Variants in ABCD3 observed in about 807,000 individuals in gnomAD.
ABCD3 encodes the protein ATP binding cassette subfamily D member 3, also known as ATP-binding cassette sub-family D member 3.
Under a neutral mutation model 105.5 loss-of-function variants are expected in ABCD3, and 41 were observed. The ratio of observed to expected loss-of-function variants is 0.39; its 90% CI spans 0.30 to 0.50. The LOEUF (loss-of-function observed/expected upper bound fraction) is 0.50, where lower values mean the gene tolerates loss of function less well. Among genes scored for constraint, ABCD3 ranks in the 20% least tolerant of loss-of-function variants. ABCD3 has a pLI of 0.84. For missense variants in ABCD3, 622 were observed against 806.3 expected (o/e 0.77, Z 2.77); for synonymous variants, 258 against 269.0 (o/e 0.96, Z 0.40).
chr1:94,489,512 C>T (rs1649425665), intron 13 of ABCD3, among the ~76,000 whole-genome samples: 1 of 151,964 alleles, frequency 6.6e-6, no homozygotes, highest in Non-Finnish European at 1.5e-5. Context: ...AGTTGGGGAT[C>T]CTATGGAAAC....
intron 2 of ABCD3, 59 bp downstream of exon 2, chr1:94,458,702 C>T: frequency 6.6e-7 from 1 of 1,507,922 alleles, no homozygotes; most frequent in Admixed American, 1.7e-5. Context: ...TTTATTTTGT[C>T]ATATGATTCT....
intron 22 of ABCD3, among the ~76,000 whole-genome samples, chr1:94,516,054 G>T (rs1650906858): frequency 6.6e-6 from 1 of 151,954 alleles, no homozygotes; most frequent in Admixed American, 6.6e-5. Context: ...TGAGCTAAGT[G>T]TCATGAGGGA....
chr1:94,482,655 A>T (rs1649085751), intron 9 of ABCD3: 1 of 162,078 alleles, frequency 6.2e-6, no homozygotes, highest in African/African-American at 2.4e-5. Flanking sequence ...TGTTGTGAGG[A>T]TATGATGGGG....
At chr1:94,488,064 A>G in intron 13 of ABCD3, 81 bp downstream of exon 13, 1 of 1,167,854 alleles carries the variant, frequency 8.6e-7, no homozygotes, top group Admixed American at 1.9e-5. Flanking sequence ...AGTTGAGATT[A>G]AGATAAGGGG....
In ABCD3 at chr1:94,505,371, A is replaced by AT. The variant is rs71097204; in HGVS notation, c.1741-1144dup. On this transcript the variant is annotated intron_variant, in intron 20 of 22. Coordinates refer to ENST00000370214, the MANE Select transcript of ABCD3 (RefSeq NM_002858.4). Reference sequence around the variant, plus strand: ...AGATGAACACCACCATGCTTGGCTAATTTTTTTTTTTTTTTTTTTTTTTAA... The same window carrying AT: ...AGATGAACACCACCATGCTTGGCTAATTTTTTTTTTTTTTTTTTTTTTTTAA... 2.0e-3 allele frequency among the ~76,000 whole-genome samples: 236 copies of AT among 118,840 alleles called. 2 individuals are homozygous for AT. The highest frequency in any genetic ancestry group is 4.8e-3 in the African/African-American group (151 of 31,546). 78.0% of individuals were successfully genotyped at this position (118,840 alleles called of 152,430 possible). A position where few individuals can be genotyped will look rare whatever the true frequency, so the allele number is the denominator to read the frequency against.
At chr1:94,454,023 G>A (rs1022645908) in intron 1 of ABCD3, among the ~76,000 whole-genome samples, 1 of 150,038 alleles carries the variant, frequency 6.7e-6, no homozygotes, top group African/African-American at 2.5e-5. Context: ...TTATATAGAT[G>A]TATGTGGTCT....
chr1:94,438,507 G>A (rs1174664122), intron 1 of ABCD3, among the ~76,000 whole-genome samples: 1 of 152,070 alleles, frequency 6.6e-6, no homozygotes, highest in Non-Finnish European at 1.5e-5. Context: ...TGAGAGGATT[G>A]ATTGACTCCA....
intron 10 of ABCD3, among the ~76,000 whole-genome samples, 183 bp from the exon 11 acceptor site, chr1:94,487,359 G>C (rs143994459): frequency 6.6e-6 from 1 of 152,110 alleles, no homozygotes; most frequent in Non-Finnish European, 1.5e-5. Flanking sequence ...TTTGGCACCC[G>C]CTCTGTGAAG....
At chr1:94,478,555 C>T (rs772882081) in intron 8 of ABCD3, 2 of 1,597,422 alleles carry the variant, frequency 1.3e-6, no homozygotes, top group South Asian at 1.1e-5. Context: ...CATTAAAAAC[C>T]AGACAAATGT....
At chr1:94,494,655 G>T (rs188891188) in intron 16 of ABCD3, among the ~76,000 whole-genome samples, 2 of 152,096 alleles carry the variant, frequency 1.3e-5, no homozygotes, top group East Asian at 3.9e-4. Flanking sequence ...TGCCTTTTGG[G>T]TTACATTTGT....
At chr1:94,498,046 T>G (rs1649903671) in intron 16 of ABCD3, among the ~76,000 whole-genome samples, 1 of 152,154 alleles carries the variant, frequency 6.6e-6, no homozygotes, top group Non-Finnish European at 1.5e-5. Context: ...CTCTTTATCT[T>G]AAGTTGATGA....
chr1:94,518,187 A>G lies in ABCD3; in HGVS notation c.*1058A>G, dbSNP rs1307540763. The stretch of plus-strand genomic sequence containing the variant: ...TTTTTATATTTGGGTTATGATGTCA[A>G]ACGATCCTAAGCGAAGATGATTTCA... On this transcript the variant is annotated 3_prime_UTR_variant, in exon 23 of 23. Transcript: ENST00000370214. 1.3e-5 allele frequency: 2 copies of G among 152,300 alleles called. No individual in the cohort carries two copies. The highest frequency in any genetic ancestry group is 1.9e-4 in the East Asian group (1 of 5,190). The allele number at this position is 152,300 out of a possible 1,614,324, so 9.4% of individuals were successfully genotyped here. A position where few individuals can be genotyped will look rare whatever the true frequency, so the allele number is the denominator to read the frequency against.
rs144154191 is a variant in ABCD3 at position 94,515,625 on chromosome 1, G to A, written c.1902+423G>A. Reference sequence around the variant, plus strand: ...CATAAGCTATGTTTATCAATGTACTGTAGTAAGTAGGATTCATTAGATAGT... The same window carrying A: ...CATAAGCTATGTTTATCAATGTACTATAGTAAGTAGGATTCATTAGATAGT... On this transcript the variant is annotated intron_variant, in intron 22 of 22. Coordinates refer to ENST00000370214, the MANE Select transcript of ABCD3 (RefSeq NM_002858.4). 6.6e-4 allele frequency among the ~76,000 whole-genome samples: 101 copies of A among 152,044 alleles called. 2 individuals are homozygous for A. Among genetic ancestry groups the A allele is most frequent in the Non-Finnish European group, 9.0e-4 (61 of 67,894 alleles).
the ABCD3 span, among the ~76,000 whole-genome samples, chr1:94,410,894 T>C: frequency 6.6e-6 from 1 of 152,206 alleles, no homozygotes; most frequent in Admixed American, 6.5e-5. Flanking sequence ...TGTAATTGGT[T>C]CAACAAATGA....
chr1:94,410,319 G>A, the ABCD3 span, among the ~76,000 whole-genome samples: 1 of 152,100 alleles, frequency 6.6e-6, no homozygotes, highest in African/African-American at 2.4e-5. Flanking sequence ...ATGGTATGTA[G>A]ATTATTCATT....
rs746214149 is a variant in ABCD3, at chr1:94,473,729, CTT to C, written c.336-34_336-33del. On this transcript the variant is annotated intron_variant, in intron 4 of 22. Coordinates refer to ENST00000370214, the MANE Select transcript of ABCD3 (RefSeq NM_002858.4). ...GTTTTCCTAGTGTTAGATTTTGCTT[CTT>C]TTGCAACTAATGCATTGCATGTGGT... 8.3e-6 allele frequency: 13 copies of C among 1,560,892 alleles called. No homozygotes were observed. In the East Asian group the frequency reaches 2.7e-4, roughly 32 times the overall value.
At chr1:94,454,258 G>A (rs1172409973) in intron 1 of ABCD3, among the ~76,000 whole-genome samples, 1 of 152,162 alleles carries the variant, frequency 6.6e-6, no homozygotes, top group Non-Finnish European at 1.5e-5. Flanking sequence ...CATAGAGAGA[G>A]ATTGGAAATG....
chr1:94,514,154 TC>T (rs1454324822), intron 21 of ABCD3: 1 of 152,066 alleles, frequency 6.6e-6, no homozygotes, highest in East Asian at 1.9e-4. Flanking sequence ...CCTTGAGTGA[TC>T]CACTTGGAGG....
chr1:94,393,718 TA>T, the ABCD3 span, among the ~76,000 whole-genome samples: 1 of 152,128 alleles, frequency 6.6e-6, no homozygotes, highest in African/African-American at 2.4e-5. Context: ...TTCAGTTGAA[TA>T]TATATATTCA....
Sources: gnomAD v4.1 joint callset for allele counts (sites outside exome capture counted in the v4.1 genomes callset) on GRCh38, gnomAD v4.1.1 for gene constraint, MANE v1.5 for transcripts, NCBI Gene and HGNC (gene_info 2026-07-23, HGNC 2026-07-21) for gene names.